DGKB: variants seen among roughly 807,000 people sequenced by gnomAD.
The protein encoded by DGKB is diacylglycerol kinase beta, also known as 90 kDa diacylglycerol kinase.
DGKB carries 67 observed loss-of-function variants against 114.3 expected under a neutral mutation model. That is an observed-to-expected ratio of 0.59 (90% CI 0.48 to 0.72). DGKB has a LOEUF of 0.72. Among genes scored for constraint, DGKB ranks in the 30% least tolerant of loss-of-function variants. The probability of loss-of-function intolerance (pLI) is 0.00; values close to 1 mark genes in which losing one functional copy is unlikely to be tolerated. For synonymous variants in DGKB, 398 were observed against 323.1 expected (o/e 1.23, Z -2.49); for missense variants, 907 against 975.2 (o/e 0.93, Z 0.93).
chr7:14,953,888 G>A (rs1225878161), intron 1 of DGKB, among the ~76,000 whole-genome samples: 1 of 152,066 alleles, frequency 6.6e-6, no homozygotes, highest in Non-Finnish European at 1.5e-5. Context: ...GGTTCTTAAT[G>A]TATGGGCCCC....
At chr7:14,837,098 T>C (rs1016854279) in intron 2 of DGKB, among the ~76,000 whole-genome samples, 5 of 152,210 alleles carry the variant, frequency 3.3e-5, no homozygotes, top group Non-Finnish European at 2.9e-5. Context: ...TTAATACTTA[T>C]AGCACTGGAC....
intron 20 of DGKB, among the ~76,000 whole-genome samples, chr7:14,489,818 A>C (rs904164743): frequency 5.9e-5 from 9 of 152,090 alleles, no homozygotes; most frequent in African/African-American, 2.2e-4. Flanking sequence ...TAGAAGAAAA[A>C]TCATGTTTAC....
chr7:14,875,339 T>G (rs1002644707), intron 1 of DGKB, among the ~76,000 whole-genome samples: 1 of 152,156 alleles, frequency 6.6e-6, no homozygotes, highest in African/African-American at 2.4e-5. Flanking sequence ...AAAATTCTGC[T>G]GCTTCTACCT....
At chr7:14,743,444 G>T (rs549200746) in intron 4 of DGKB, among the ~76,000 whole-genome samples, 41 of 152,186 alleles carry the variant, frequency 2.7e-4, no homozygotes, top group African/African-American at 9.4e-4. Flanking sequence ...AAATTATCAA[G>T]TGTTTTAAAC....
intron 2 of DGKB, among the ~76,000 whole-genome samples, chr7:14,809,420 C>G (rs1237598449): frequency 4.6e-5 from 7 of 152,024 alleles, no homozygotes; most frequent in Admixed American, 3.9e-4. Flanking sequence ...AAGTTAAAGA[C>G]TTCAAGTTCA....
chr7:14,915,468 G>T (rs1286702713), intron 1 of DGKB, among the ~76,000 whole-genome samples: 1 of 152,144 alleles, frequency 6.6e-6, no homozygotes, highest in Non-Finnish European at 1.5e-5. Context: ...CTAAACCACA[G>T]ATCCAAGAAA....
At chr7:14,223,105 A>T (rs1011704553) in intron 23 of DGKB, among the ~76,000 whole-genome samples, 1 of 151,574 alleles carries the variant, frequency 6.6e-6, no homozygotes, top group South Asian at 2.1e-4. Flanking sequence ...TCTGCCTTTG[A>T]TTAGGTTATT....
chr7:14,929,481 G>A (rs550721683), intron 1 of DGKB, among the ~76,000 whole-genome samples: 1 of 152,250 alleles, frequency 6.6e-6, no homozygotes, highest in African/African-American at 2.4e-5. Flanking sequence ...TAGTGATGTT[G>A]AGCATTTTTT....
chr7:14,274,148 A>G (rs1377306080), intron 23 of DGKB, among the ~76,000 whole-genome samples: 1 of 152,184 alleles, frequency 6.6e-6, no homozygotes, highest in Non-Finnish European at 1.5e-5. Flanking sequence ...AGTTTGGTCA[A>G]TGAATGGCTG....
At chr7:14,221,344 C>G (rs924311537) in intron 23 of DGKB, among the ~76,000 whole-genome samples, 1 of 150,972 alleles carries the variant, frequency 6.6e-6, no homozygotes, top group African/African-American at 2.4e-5. Flanking sequence ...AGGTTGAGTA[C>G]TCTCTATTTC....
At chr7:14,925,055 T>A (rs1225241725) in intron 1 of DGKB, among the ~76,000 whole-genome samples, 1 of 152,240 alleles carries the variant, frequency 6.6e-6, no homozygotes, top group Non-Finnish European at 1.5e-5. Flanking sequence ...CTTTTTTCAC[T>A]CACTACAATT....
intron 1 of DGKB, among the ~76,000 whole-genome samples, chr7:14,900,956 CAT>C (rs1782945313): frequency 6.6e-6 from 1 of 152,136 alleles, no homozygotes; most frequent in Non-Finnish European, 1.5e-5. Flanking sequence ...TTCTATTCTT[CAT>C]ATAGACTTTT....
intron 23 of DGKB, chr7:14,191,512 A>T (rs1345313332): frequency 5.1e-6 from 1 of 195,946 alleles, no homozygotes; most frequent in Non-Finnish European, 1.1e-5. Context: ...TCCAACTGAC[A>T]AGCCCTTATT....
intron 1 of DGKB, among the ~76,000 whole-genome samples, chr7:14,954,155 A>G (rs1786367266): frequency 6.6e-6 from 1 of 152,058 alleles, no homozygotes; most frequent in African/African-American, 2.4e-5. Context: ...TGTTTGCCTA[A>G]GTCAATAACC....
chr7:14,282,084 G>A (rs1415782114), intron 23 of DGKB, among the ~76,000 whole-genome samples: 8 of 58,258 alleles, frequency 1.4e-4, no homozygotes, highest in African/African-American at 5.3e-4. Flanking sequence ...CTGGTTTTTT[G>A]AAAGGATCAA....
At chr7:14,581,218 C>T (rs1285393366) in intron 18 of DGKB, among the ~76,000 whole-genome samples, 2 of 152,094 alleles carry the variant, frequency 1.3e-5, no homozygotes, top group Non-Finnish European at 2.9e-5. Context: ...AATATCTTAA[C>T]TCAGCTAAAA....
At chr7:14,293,610 T>C (rs934355703) in intron 23 of DGKB, among the ~76,000 whole-genome samples, 1 of 152,280 alleles carries the variant, frequency 6.6e-6, no homozygotes, top group Non-Finnish European at 1.5e-5. Flanking sequence ...TGGTAACATA[T>C]GGTTTGCCCT....
At chr7:14,783,298 CAT>C (rs1212733127) in intron 2 of DGKB, among the ~76,000 whole-genome samples, 1 of 152,148 alleles carries the variant, frequency 6.6e-6, no homozygotes, top group Non-Finnish European at 1.5e-5. Context: ...AAAGAGAATA[CAT>C]TAAGCAAGAA....
At chr7:14,152,783 G>T (rs539798788) in intron 25 of DGKB, among the ~76,000 whole-genome samples, 1 of 152,154 alleles carries the variant, frequency 6.6e-6, no homozygotes, top group Non-Finnish European at 1.5e-5. Flanking sequence ...CATTTTTAAG[G>T]TTGCATAGTT....
Sources: allele counts gnomAD v4.1 joint callset (sites outside exome capture counted in the v4.1 genomes callset), GRCh38; gene constraint gnomAD v4.1.1; transcripts MANE v1.5; gene names NCBI Gene and HGNC (gene_info 2026-07-23, HGNC 2026-07-21).